Variants in ANLN observed in about 807,000 individuals in gnomAD.
ANLN encodes the protein anillin.
ANLN carries 59 observed loss-of-function variants against 135.1 expected under a neutral mutation model. The observed-to-expected ratio is 0.44, with a 90% CI of 0.35 to 0.54. The LOEUF (loss-of-function observed/expected upper bound fraction) is 0.54. Ranked by LOEUF, ANLN falls within the 20% of genes least tolerant of loss-of-function variation. The pLI is 0.00. For synonymous variants in ANLN, 406 were observed against 456.4 expected, an observed-to-expected ratio of 0.89 and a Z score of 1.41; for missense variants, 1,182 against 1,340.0, an observed-to-expected ratio of 0.88 and a Z score of 1.84.
At chr7:36,394,009 G>A (rs1786588924) in intron 1 of ANLN, among the ~76,000 whole-genome samples, 1 of 152,140 alleles carries the variant, frequency 6.6e-6, no homozygotes, top group African/African-American at 2.4e-5. Context: ...CCAGGCTGGA[G>A]TGCAGTAGCG....
rs1197029028 is a variant in ANLN, at chr7:36,449,834, C to T, written c.3248C>T (p.Thr1083Ile). ...CAATGCAGGGACACACTCTGTGTTA[C>T]CAAGTATGTATTGGCCTATAAATAT... ...VSQCRDTLCV[T>I]KNWLSADTKE... The change falls in exon 23 of 24, where the codon ACC (threonine) becomes ATC (isoleucine). Residue 1083 changes from threonine to isoleucine, a missense_variant. By Grantham distance (89) the Thr-to-Ile change is moderately conservative (BLOSUM62 -1). Transcript: ENST00000265748. 3 of 1,612,898 alleles carry T rather than the reference C, an allele frequency of 1.9e-6. No homozygotes were observed. Among genetic ancestry groups the T allele is most frequent in the Non-Finnish European group, 2.5e-6 (3 of 1,179,462 alleles).
At chr7:36,408,895 A>G (rs1237332390) in intron 5 of ANLN, among the ~76,000 whole-genome samples, 3 of 152,238 alleles carry the variant, frequency 2.0e-5, no homozygotes, top group Admixed American at 1.3e-4. Flanking sequence ...ACTAAAATAT[A>G]TGGTAATTGA....
intron 8 of ANLN, among the ~76,000 whole-genome samples, chr7:36,416,435 T>C (rs1042238666): frequency 6.6e-6 from 1 of 152,220 alleles, no homozygotes; most frequent in Admixed American, 6.5e-5. Context: ...CTTTCAATGC[T>C]GTGTTGAATA....
chr7:36,444,895 G>A (rs892848068), intron 22 of ANLN, among the ~76,000 whole-genome samples: 1 of 151,936 alleles, frequency 6.6e-6, no homozygotes, highest in Non-Finnish European at 1.5e-5. Context: ...GGATAGCTAT[G>A]TGTGTTACAC....
intron 1 of ANLN, among the ~76,000 whole-genome samples, chr7:36,391,910 T>G (rs1224343840): frequency 6.6e-6 from 1 of 152,080 alleles, no homozygotes; most frequent in East Asian, 1.9e-4. Context: ...TGCATTGGTC[T>G]TCCTCCCTGT....
At position 36,391,699 on chromosome 7, in the gene ANLN, T is replaced by C. The variant is rs151029315; in HGVS notation, c.18+1655T>C. Among the ~76,000 whole-genome samples the C allele has an allele frequency of 3.6e-4, 55 of 152,334 alleles. 1 individual carries two copies. The highest frequency in any genetic ancestry group is 1.3e-3 in the African/African-American group (52 of 41,580). ...TAAAATGACTCTCTCAACCAGGGTT[T>C]CCTCTCAGAACCATGGTACACAGGA... is the stretch of plus-strand genomic sequence containing the variant. On this transcript the variant is annotated intron_variant, in intron 1 of 23. Transcript: ENST00000265748.
chr7:36,399,635 A>T (rs1220696048), intron 3 of ANLN, among the ~76,000 whole-genome samples: 1 of 152,196 alleles, frequency 6.6e-6, no homozygotes, highest in East Asian at 1.9e-4. Context: ...TAACTGTATT[A>T]CCTTAATATC....
chr7:36,426,959 C>G lies in ANLN; in HGVS notation c.2814C>G (p.Asn938Lys). 1.2e-6 allele frequency: 2 copies of G among 1,613,446 alleles called. No individual in the cohort carries two copies. Among genetic ancestry groups the G allele is most frequent in the Non-Finnish European group, 1.7e-6 (2 of 1,179,800 alleles). Residue 938 changes from asparagine to lysine, a missense_variant, in exon 20 of 24, where the codon AAC becomes AAG. Asn to Lys is a moderately conservative substitution (Grantham distance 94). Around this residue, in one of 3 missense-constraint regions of ANLN, gnomAD observed 1,022 missense variants for 1,134.0 expected, o/e 0.90. Transcript: ENST00000265748. ...PGGLSAVRTS[N>K]FALVGSYTLS... is the part of the protein sequence containing the mutation. ...GTCTTAGTGCTGTGCGAACCAGCAA[C>G]TTCGCCCTTGTTGGATCTTACACAT...
intron 20 of ANLN, among the ~76,000 whole-genome samples, chr7:36,434,819 T>C (rs1356561185): frequency 6.6e-6 from 1 of 152,150 alleles, no homozygotes; most frequent in Non-Finnish European, 1.5e-5. Context: ...TGAGCCAAGA[T>C]TGTGCCACTG....
At chr7:36,442,832 G>A (rs62445314) in intron 21 of ANLN, among the ~76,000 whole-genome samples, 35,293 of 151,522 alleles carry the variant, frequency 0.23, 4,238 homozygotes, top group East Asian at 0.41. Context: ...GGATTTCACT[G>A]TGTTAGCCAG....
chr7:36,424,673 G>C lies in ANLN; in HGVS notation c.2653-13G>C. 1 of 1,609,710 alleles carries C rather than the reference G, an allele frequency of 6.2e-7. No individual in the cohort carries two copies. Among genetic ancestry groups the C allele is most frequent in the East Asian group, 2.2e-5 (1 of 44,742 alleles). Reference sequence around the variant, plus strand: ...CAGATTATAAATTAATTATGCTTTGGGTTTGTGCGTAGGTGCAAAAGAAAG... The same window carrying C: ...CAGATTATAAATTAATTATGCTTTGCGTTTGTGCGTAGGTGCAAAAGAAAG... On this transcript the variant is annotated splice_polypyrimidine_tract_variant and intron_variant, in intron 16 of 23. Coordinates refer to ENST00000265748, the MANE Select transcript of ANLN (RefSeq NM_018685.5).
chr7:36,420,822 C>T (rs1787846588), intron 12 of ANLN, 78 bp downstream of exon 12: 2 of 1,480,032 alleles, frequency 1.4e-6, no homozygotes, highest in African/African-American at 1.4e-5. Context: ...AAGGGCCCAG[C>T]CTTACTTATC....
chr7:36,448,467 G>A (rs2116829721), intron 22 of ANLN, among the ~76,000 whole-genome samples: 1 of 152,248 alleles, frequency 6.6e-6, no homozygotes, highest in Non-Finnish European at 1.5e-5. Flanking sequence ...CTTTGCTAGG[G>A]TGTTTTAAAG....
intron 23 of ANLN, among the ~76,000 whole-genome samples, chr7:36,450,615 A>C (rs868327609): frequency 6.6e-6 from 1 of 152,186 alleles, no homozygotes; most frequent in African/African-American, 2.4e-5. Context: ...AAATAGCTAG[A>C]TAGAGGACTC....
At chr7:36,401,511 G>A (rs1476754560) in intron 3 of ANLN, among the ~76,000 whole-genome samples, 7 of 152,040 alleles carry the variant, frequency 4.6e-5, no homozygotes, top group Non-Finnish European at 1.0e-4. Flanking sequence ...GCTAATTTTT[G>A]TATTTTTAGT....
rs1404998959 is a variant in ANLN at position 36,413,185 on chromosome 7, G to GA, written c.1395+2029dup. Among the ~76,000 whole-genome samples the GA allele has an allele frequency of 3.0e-4, 43 of 144,714 alleles. No homozygotes were observed. In the Middle Eastern group the frequency reaches 0.01, roughly 35 times the overall value. 94.9% of individuals were successfully genotyped at this position (144,714 alleles called of 152,430 possible). A position where few individuals can be genotyped will look rare whatever the true frequency, so the allele number is the denominator to read the frequency against. ...TATAACAAGCTATTATCTGCCATCT[G>GA]AAAAAAAAAACAACTCTTGCAACCC... On this transcript the variant is annotated intron_variant, in intron 7 of 23. Coordinates refer to ENST00000265748, the MANE Select transcript of ANLN (RefSeq NM_018685.5).
Position 36,399,149 on chromosome 7 carries a change from C to A in ANLN, c.243C>A (p.Asn81Lys). The change falls in exon 3 of 24, where the codon AAC becomes AAA. Residue 81 changes from asparagine (N) to lysine (K), a missense_variant. Coordinates refer to ENST00000265748, the MANE Select transcript of ANLN (RefSeq NM_018685.5). Reference sequence around the variant, plus strand: ...ACAACACTGAAGTAGAAGTTTCTAACTTGGAAAATAAACAACCAGTTGAGT... The same window carrying A: ...ACAACACTGAAGTAGAAGTTTCTAAATTGGAAAATAAACAACCAGTTGAGT... ...CSDNTEVEVS[N>K]LENKQPVEST... The A allele has an allele frequency of 6.2e-7, 1 of 1,614,136 alleles. No individual in the cohort carries two copies. Among genetic ancestry groups the A allele is most frequent in the Non-Finnish European group, 8.5e-7 (1 of 1,180,010 alleles).
chr7:36,422,899 A>C (rs1787937474), intron 14 of ANLN, 90 bp downstream of exon 14: 1 of 1,240,398 alleles, frequency 8.1e-7, no homozygotes, highest in Admixed American at 2.7e-5. Context: ...AATCATGCAT[A>C]ACAATGCAAA....
intron 8 of ANLN, among the ~76,000 whole-genome samples, chr7:36,416,364 AT>A (rs1368660685): frequency 6.6e-6 from 1 of 152,118 alleles, no homozygotes; most frequent in Non-Finnish European, 1.5e-5. Context: ...AATAGAGATA[AT>A]TTTACTCCTT....
Sources: gnomAD v4.1 joint callset for allele counts (sites outside exome capture counted in the v4.1 genomes callset) on GRCh38, gnomAD v4.1.1 for gene constraint, gnomAD v4.1.1 regional missense constraint, MANE v1.5 for transcripts, NCBI Gene and HGNC (gene_info 2026-07-23, HGNC 2026-07-21) for gene names.